The following ASIC2 variants were observed in gnomAD, a reference collection of about 807,000 sequenced individuals.
The protein encoded by ASIC2 is acid sensing ion channel subunit 2.
ASIC2 carries 25 observed loss-of-function variants against 57.3 expected under a neutral mutation model. That is an observed-to-expected ratio of 0.44 (90% CI 0.32 to 0.61). The LOEUF (loss-of-function observed/expected upper bound fraction) is 0.61, where lower values mean the gene tolerates loss of function less well. Among genes scored for constraint, ASIC2 ranks in the 20% least tolerant of loss-of-function variants. ASIC2 has a pLI of 0.06. For missense variants in ASIC2, 641 were observed against 738.1 expected (o/e 0.87, Z 1.52); for synonymous variants, 319 against 307.5 (o/e 1.04, Z -0.39).
chr17:33,403,084 G>A (rs75103134), intron 1 of ASIC2, among the ~76,000 whole-genome samples: 3,651 of 152,266 alleles, frequency 0.024, 63 homozygotes, highest in Non-Finnish European at 0.036. Context: ...AGATTCTGCT[G>A]CCTCTACCAT....
At chr17:33,526,822 G>T (rs1452188823) in intron 1 of ASIC2, among the ~76,000 whole-genome samples, 1 of 151,994 alleles carries the variant, frequency 6.6e-6, no homozygotes, top group African/African-American at 2.4e-5. Flanking sequence ...CTGTGACTGT[G>T]TCTCCTGGAA....
chr17:33,722,395 G>A (rs1909415445), intron 1 of ASIC2, among the ~76,000 whole-genome samples: 1 of 152,154 alleles, frequency 6.6e-6, no homozygotes. Flanking sequence ...CGTGAGAATA[G>A]ACTAATACAA....
intron 1 of ASIC2, among the ~76,000 whole-genome samples, chr17:33,430,888 G>C (rs755662264): frequency 6.6e-6 from 1 of 152,146 alleles, no homozygotes; most frequent in Admixed American, 6.5e-5. Flanking sequence ...TTTATTAAAT[G>C]TCCATGCACA....
chr17:33,621,319 A>G (rs1905787851), intron 1 of ASIC2, among the ~76,000 whole-genome samples: 1 of 152,260 alleles, frequency 6.6e-6, no homozygotes, highest in Non-Finnish European at 1.5e-5. Context: ...ACCATTTGGC[A>G]TGTAGTAGCC....
chr17:34,039,863 C>T (rs1307341618), intron 1 of ASIC2: 8 of 1,604,768 alleles, frequency 5.0e-6, no homozygotes, highest in Non-Finnish European at 6.8e-6. Context: ...CTATGCAATT[C>T]TTCCATCATT....
chr17:33,376,442 T>A (rs1477481736), intron 1 of ASIC2, among the ~76,000 whole-genome samples: 1 of 152,170 alleles, frequency 6.6e-6, no homozygotes, highest in Non-Finnish European at 1.5e-5. Flanking sequence ...ATGTGCCATG[T>A]AAATTGTCCA....
intron 1 of ASIC2, among the ~76,000 whole-genome samples, chr17:33,256,847 G>T (rs1288100406): frequency 6.6e-6 from 1 of 152,114 alleles, no homozygotes. Flanking sequence ...AAAAATTACT[G>T]TAAGAGAAAA....
chr17:33,363,818 C>T (rs1477843647), intron 1 of ASIC2, among the ~76,000 whole-genome samples: 1 of 152,194 alleles, frequency 6.6e-6, no homozygotes, highest in African/African-American at 2.4e-5. Context: ...CATCTGGACC[C>T]TCCAAGCTTC....
intron 1 of ASIC2, among the ~76,000 whole-genome samples, chr17:33,978,129 G>A (rs71379446): frequency 0.012 from 1,772 of 152,308 alleles, 43 homozygotes; most frequent in African/African-American, 0.04. Flanking sequence ...TTTGAAGGTT[G>A]AATGTGCCTG....
intron 1 of ASIC2, among the ~76,000 whole-genome samples, chr17:33,895,032 G>A (rs1309414948): frequency 6.6e-6 from 1 of 152,136 alleles, no homozygotes; most frequent in African/African-American, 2.4e-5. Flanking sequence ...TGCGCTGCTG[G>A]GTTGTACATT....
At chr17:33,732,880 C>A (rs935752729) in intron 1 of ASIC2, among the ~76,000 whole-genome samples, 1 of 152,136 alleles carries the variant, frequency 6.6e-6, no homozygotes, top group Non-Finnish European at 1.5e-5. Context: ...TCAAGTGATC[C>A]GCCCACCTTG....
intron 1 of ASIC2, among the ~76,000 whole-genome samples, chr17:33,721,329 A>G (rs1909381737): frequency 6.6e-6 from 1 of 152,168 alleles, no homozygotes; most frequent in African/African-American, 2.4e-5. Flanking sequence ...TCTCTTTCCA[A>G]GCATGCACCA....
chr17:33,964,523 G>A (rs959638994), intron 1 of ASIC2, among the ~76,000 whole-genome samples: 1 of 152,218 alleles, frequency 6.6e-6, no homozygotes, highest in African/African-American at 2.4e-5. Flanking sequence ...CACACCACAA[G>A]GTGGCTGAGT....
intron 1 of ASIC2, among the ~76,000 whole-genome samples, chr17:33,556,142 G>A (rs9899014): frequency 0.46 from 69,733 of 152,058 alleles, 16,153 homozygotes; most frequent in South Asian, 0.53. Flanking sequence ...GAGAGTAAAG[G>A]TCAGAGCCAG....
At chr17:33,830,801 G>A (rs1226531381) in intron 1 of ASIC2, among the ~76,000 whole-genome samples, 3 of 151,882 alleles carry the variant, frequency 2.0e-5, no homozygotes, top group African/African-American at 7.3e-5. Flanking sequence ...ACTTATGGGA[G>A]TTATATTTAC....
At chr17:33,891,395 C>T (rs892855920) in intron 1 of ASIC2, among the ~76,000 whole-genome samples, 4 of 152,068 alleles carry the variant, frequency 2.6e-5, no homozygotes, top group African/African-American at 9.7e-5. Flanking sequence ...TGTAGAAAGG[C>T]TTTTACTAAA....
chr17:33,969,311 G>A (rs1905158629), intron 1 of ASIC2, among the ~76,000 whole-genome samples: 1 of 152,216 alleles, frequency 6.6e-6, no homozygotes, highest in Non-Finnish European at 1.5e-5. Flanking sequence ...CCAATGCTCA[G>A]TAAATGTTGT....
At chr17:33,229,066 C>T (rs1194130572) in intron 1 of ASIC2, among the ~76,000 whole-genome samples, 3 of 152,286 alleles carry the variant, frequency 2.0e-5, no homozygotes, top group Non-Finnish European at 2.9e-5. Context: ...CAACTAGCCT[C>T]GACATTTCCC....
At chr17:33,606,203 A>G (rs1185849136) in intron 1 of ASIC2, among the ~76,000 whole-genome samples, 1 of 152,180 alleles carries the variant, frequency 6.6e-6, no homozygotes, top group Non-Finnish European at 1.5e-5. Flanking sequence ...GATTTGGCCG[A>G]CAGAAAGGAG....
Sources: gnomAD v4.1 joint callset for allele counts (sites outside exome capture counted in the v4.1 genomes callset) on GRCh38, gnomAD v4.1.1 for gene constraint, MANE v1.5 for transcripts, NCBI Gene and HGNC (gene_info 2026-07-23, HGNC 2026-07-21) for gene names.